Variants in CEP112 observed in about 807,000 individuals in gnomAD.
The protein encoded by CEP112 is centrosomal protein 112, also known as centrosomal protein of 112 kDa.
Under a neutral mutation model 153.0 loss-of-function variants are expected in CEP112, and 127 were observed. The ratio of observed to expected loss-of-function variants is 0.83; its 90% CI spans 0.72 to 0.96. The LOEUF is 0.96. Ranked by LOEUF, CEP112 falls within the 40% of genes least tolerant of loss-of-function variation. CEP112 has a pLI of 0.00. For missense variants in CEP112, 1,089 were observed against 1,101.2 expected, an observed-to-expected ratio of 0.99 and a Z score of 0.16; for synonymous variants, 358 against 374.4, an observed-to-expected ratio of 0.96 and a Z score of 0.51.
At chr17:65,702,337 C>G (rs2048685408) in intron 23 of CEP112, among the ~76,000 whole-genome samples, 1 of 152,148 alleles carries the variant, frequency 6.6e-6, no homozygotes, top group Non-Finnish European at 1.5e-5. Flanking sequence ...AAATTTCTTC[C>G]CTGGCTCTGA....
chr17:65,958,425 A>G (rs2062075351), intron 18 of CEP112, among the ~76,000 whole-genome samples: 1 of 152,158 alleles, frequency 6.6e-6, no homozygotes, highest in South Asian at 2.1e-4. Flanking sequence ...ATAGCTGTGG[A>G]TCCAGGCATT....
intron 21 of CEP112, among the ~76,000 whole-genome samples, chr17:65,812,830 T>TA (rs555951938): frequency 1.7e-3 from 264 of 151,988 alleles, no homozygotes; most frequent in African/African-American, 5.1e-3. Flanking sequence ...AATGCAAAAT[T>TA]AAAAAAAAGA....
At chr17:66,070,943 T>C (rs1395170861) in intron 8 of CEP112, among the ~76,000 whole-genome samples, 4 of 152,118 alleles carry the variant, frequency 2.6e-5, no homozygotes, top group Non-Finnish European at 5.9e-5. Flanking sequence ...CCTCAGTGGA[T>C]TGTGAAAATC....
chr17:65,879,852 CAA>C (rs777426324), intron 20 of CEP112, among the ~76,000 whole-genome samples: 3 of 74,896 alleles, frequency 4.0e-5, no homozygotes, highest in Non-Finnish European at 5.7e-5. Flanking sequence ...AAAAAATTTG[CAA>C]AAAAAAAAAA....
intron 17 of CEP112, among the ~76,000 whole-genome samples, chr17:65,987,706 T>G (rs1007775536): frequency 2.0e-5 from 3 of 152,020 alleles, no homozygotes; most frequent in African/African-American, 4.8e-5. Context: ...ATGAGGCAGT[T>G]CCCAGGACCA....
intron 18 of CEP112, among the ~76,000 whole-genome samples, chr17:65,931,224 A>G (rs1266218977): frequency 1.3e-5 from 2 of 152,252 alleles, no homozygotes. Flanking sequence ...AGTCTATCTC[A>G]TAGAAATCCA....
chr17:66,104,486 C>G (rs911177114), intron 6 of CEP112, among the ~76,000 whole-genome samples: 12 of 152,298 alleles, frequency 7.9e-5, no homozygotes, highest in African/African-American at 2.9e-4. Context: ...CTAGGCAGTA[C>G]TTGCGTGGGC....
intron 20 of CEP112, among the ~76,000 whole-genome samples, chr17:65,871,763 T>C (rs6504367): frequency 0.86 from 130,740 of 152,254 alleles, 56,409 homozygotes; most frequent in East Asian, 0.94. Context: ...CTAGACAACT[T>C]GACCTCAAAG....
chr17:66,011,187 G>A (rs931565275), intron 16 of CEP112, among the ~76,000 whole-genome samples: 2 of 151,962 alleles, frequency 1.3e-5, no homozygotes, highest in African/African-American at 2.4e-5. Context: ...TCAGTATTGG[G>A]AAGTATTCTT....
intron 4 of CEP112, among the ~76,000 whole-genome samples, chr17:66,147,345 G>GT (rs887515759): frequency 1.4e-4 from 21 of 151,614 alleles, no homozygotes; most frequent in African/African-American, 4.1e-4. Context: ...TTTTAATCTA[G>GT]TTTTTTTTAT....
chr17:66,061,931 GAAGT>G (rs1323448723), intron 11 of CEP112, among the ~76,000 whole-genome samples: 1 of 152,126 alleles, frequency 6.6e-6, no homozygotes, highest in Non-Finnish European at 1.5e-5. Flanking sequence ...AGACCAGGTG[GAAGT>G]AACTGCATCA....
chr17:66,091,060 G>C (rs879053060), intron 8 of CEP112, among the ~76,000 whole-genome samples: 1 of 152,028 alleles, frequency 6.6e-6, no homozygotes, highest in Non-Finnish European at 1.5e-5. Flanking sequence ...TATAAAAGGA[G>C]AGAAGGAGTG....
intron 20 of CEP112, among the ~76,000 whole-genome samples, chr17:65,895,274 G>C (rs1332725591): frequency 1.3e-5 from 2 of 152,018 alleles, no homozygotes; most frequent in African/African-American, 2.4e-5. Flanking sequence ...GGTTGCATAA[G>C]AGAATGCAAT....
At chr17:65,726,640 T>C (rs935548433) in intron 23 of CEP112, among the ~76,000 whole-genome samples, 4 of 152,178 alleles carry the variant, frequency 2.6e-5, no homozygotes, top group African/African-American at 9.7e-5. Context: ...CAGAAGAGTT[T>C]GATCATGATG....
At chr17:65,645,188 T>C (rs1405866012) in intron 24 of CEP112, among the ~76,000 whole-genome samples, 1 of 151,836 alleles carries the variant, frequency 6.6e-6, no homozygotes, top group Non-Finnish European at 1.5e-5. Flanking sequence ...TGACCCTTCT[T>C]TGACAATCTC....
chr17:65,902,006 G>GGAAAAAAAAAAAAA, intron 20 of CEP112, 146 bp downstream of exon 20: 8 of 243,082 alleles, frequency 3.3e-5, no homozygotes, highest in South Asian at 1.2e-4. Context: ...GGGTGGGGGG[G>GGAAAAAAAAAAAAA]AGAAAAACAA....
At chr17:66,162,787 A>G (rs2071768620) in intron 4 of CEP112, among the ~76,000 whole-genome samples, 1 of 152,160 alleles carries the variant, frequency 6.6e-6, no homozygotes, top group Admixed American at 6.5e-5. Context: ...GTTTCTGGGG[A>G]GGTAGCTATA....
At chr17:66,159,978 G>A (rs1459096946) in intron 4 of CEP112, among the ~76,000 whole-genome samples, 1 of 152,142 alleles carries the variant, frequency 6.6e-6, no homozygotes. Context: ...AAGGTGATAA[G>A]CAACTTCAGC....
intron 9 of CEP112, among the ~76,000 whole-genome samples, chr17:66,067,860 T>C (rs2067179589): frequency 6.6e-6 from 1 of 152,108 alleles, no homozygotes; most frequent in Non-Finnish European, 1.5e-5. Context: ...ATTCATCACA[T>C]TGCACTGGGA....
Sources: allele counts gnomAD v4.1 joint callset (sites outside exome capture counted in the v4.1 genomes callset), GRCh38; gene constraint gnomAD v4.1.1; transcripts MANE v1.5; gene names NCBI Gene and HGNC (gene_info 2026-07-23, HGNC 2026-07-21).